SLIT3: variants seen among roughly 807,000 people sequenced by gnomAD.
SLIT3 encodes the protein slit guidance ligand 3, also known as slit homolog 3 protein.
Under a neutral mutation model 184.0 loss-of-function variants are expected in SLIT3, and 68 were observed. That is an observed-to-expected ratio of 0.37 (90% confidence interval 0.30 to 0.45). The LOEUF (loss-of-function observed/expected upper bound fraction) is 0.45, where lower values mean the gene tolerates loss of function less well. Ranked by LOEUF, SLIT3 falls within the 20% of genes least tolerant of loss-of-function variation. SLIT3 has a pLI of 1.00. For synonymous variants in SLIT3, 831 were observed against 828.6 expected, an observed-to-expected ratio of 1.00 and a Z score of -0.05; for missense variants, 1,707 against 2,026.0, an observed-to-expected ratio of 0.84 and a Z score of 3.02.
At chr5:169,232,254 T>C (rs1010824258) in intron 3 of SLIT3, among the ~76,000 whole-genome samples, 1 of 152,206 alleles carries the variant, frequency 6.6e-6, no homozygotes, top group Non-Finnish European at 1.5e-5. Context: ...AGATGGAGCC[T>C]TGCTCTGTTG....
chr5:169,255,793 G>A (rs1012239477), intron 1 of SLIT3, among the ~76,000 whole-genome samples: 5 of 152,186 alleles, frequency 3.3e-5, no homozygotes, highest in African/African-American at 4.8e-5. Context: ...TGAGGCAGGA[G>A]AATGGTGTGA....
rs145057727 is a variant in SLIT3, at chr5:168,905,301, T to G, written c.414-21965A>C. The stretch of plus-strand genomic sequence containing the variant: ...TCCTCCATGTTGCTGGCTGATTGGG[T>G]GCAAATGTACCTAGATCCTCCCCAG... On this transcript the variant is annotated intron_variant, in intron 4 of 35. Coordinates refer to ENST00000519560, the MANE Select transcript of SLIT3 (RefSeq NM_003062.4). Among the ~76,000 whole-genome samples, 1,257 of 152,304 alleles carry G rather than the reference T, an allele frequency of 8.3e-3. 15 individuals are homozygous for G. Among genetic ancestry groups the G allele is most frequent in the African/African-American group, 0.029 (1,217 of 41,558 alleles).
chr5:168,861,866 G>A (rs997434295), intron 5 of SLIT3, among the ~76,000 whole-genome samples: 1 of 152,180 alleles, frequency 6.6e-6, no homozygotes, highest in African/African-American at 2.4e-5. Flanking sequence ...CAACTTCTGA[G>A]GCACACAATA....
At chr5:169,152,084 A>G (rs967321623) in intron 4 of SLIT3, among the ~76,000 whole-genome samples, 1 of 152,228 alleles carries the variant, frequency 6.6e-6, no homozygotes, top group African/African-American at 2.4e-5. Context: ...AGGTTAGTAG[A>G]TGAATGTTTC....
chr5:168,757,024 A>C (rs1260111719), intron 16 of SLIT3, among the ~76,000 whole-genome samples: 1 of 152,260 alleles, frequency 6.6e-6, no homozygotes, highest in Non-Finnish European at 1.5e-5. Flanking sequence ...CCGTCTCTAC[A>C]TCCATCAAAG....
chr5:168,725,673 C>G (rs1763086514), intron 20 of SLIT3, among the ~76,000 whole-genome samples: 2 of 152,216 alleles, frequency 1.3e-5, no homozygotes, highest in South Asian at 4.1e-4. Flanking sequence ...ACCACAGATT[C>G]TGACCCTAGG....
At chr5:169,136,627 G>A (rs1051980589) in intron 4 of SLIT3, among the ~76,000 whole-genome samples, 2 of 152,180 alleles carry the variant, frequency 1.3e-5, no homozygotes, top group African/African-American at 4.8e-5. Flanking sequence ...GTTAAACTTG[G>A]TGACCTCTGG....
Position 168,774,294 on chromosome 5 carries a change from G to A in SLIT3, c.1236C>T (p.Asp412=). Residue 412 remains aspartate (D), a synonymous_variant, in exon 13 of 36, where the codon GAC becomes GAT. Transcript: ENST00000519560. ...LQNLNLLSLY[D]NKLQTISKGL... ...CCTTGCTGATGGTCTGCAGCTTGTT[G>A]TCATACAGGGAGAGCAAGTTGAGGT... is the stretch of plus-strand genomic sequence containing the variant. 3.7e-6 allele frequency: 6 copies of A among 1,614,046 alleles called. No individual in the cohort carries two copies. The highest frequency in any genetic ancestry group is 5.1e-6 in the Non-Finnish European group (6 of 1,179,942).
chr5:169,188,917 C>G (rs982999842), intron 4 of SLIT3, among the ~76,000 whole-genome samples: 20 of 152,156 alleles, frequency 1.3e-4, no homozygotes, highest in African/African-American at 4.8e-4. Flanking sequence ...CTCCTCCTGT[C>G]CTCTGCTCTG....
At chr5:168,840,288 T>TG in intron 6 of SLIT3, among the ~76,000 whole-genome samples, 1 of 152,220 alleles carries the variant, frequency 6.6e-6, no homozygotes, top group East Asian at 1.9e-4. Flanking sequence ...TTATTGAACT[T>TG]CTGACTTGCT....
chr5:168,799,522 G>A (rs1453448536), intron 9 of SLIT3, among the ~76,000 whole-genome samples: 1 of 152,210 alleles, frequency 6.6e-6, no homozygotes, highest in East Asian at 1.9e-4. Context: ...TAGTTCCTCA[G>A]ATGCTTCCTT....
intron 5 of SLIT3, among the ~76,000 whole-genome samples, chr5:168,854,341 G>A (rs1359939233): frequency 7.7e-6 from 1 of 129,836 alleles, no homozygotes; most frequent in Non-Finnish European, 1.6e-5. Flanking sequence ...CCCAGAAGAT[G>A]GTGTTGAGGG....
At position 168,806,437 on chromosome 5, in the gene SLIT3, T is replaced by G; in HGVS notation, c.935+9A>C. The stretch of plus-strand genomic sequence containing the variant: ...ACAGTTGTTGGGGGTGTCAGACAGG[T>G]GCACTTACATTTCGACGATGCCCTC... On this transcript the variant is annotated intron_variant, in intron 9 of 35. Transcript: ENST00000519560. 6.2e-7 allele frequency: 1 copy of G among 1,614,116 alleles called. No individual in the cohort carries two copies.
chr5:168,769,015 G>A (rs1374497819), intron 14 of SLIT3, among the ~76,000 whole-genome samples: 1 of 152,204 alleles, frequency 6.6e-6, no homozygotes, highest in Non-Finnish European at 1.5e-5. Flanking sequence ...CTTTCACAGA[G>A]ATGGTGGCCA....
At chr5:168,739,259 G>A (rs552920354) in intron 20 of SLIT3, among the ~76,000 whole-genome samples, 1 of 152,280 alleles carries the variant, frequency 6.6e-6, no homozygotes, top group South Asian at 2.1e-4. Flanking sequence ...GATCGGTAGA[G>A]TTATGTAACA....
rs73805042 is a variant in SLIT3 at position 169,240,311 on chromosome 5, T to C, written c.341+4394A>G. ...TATTTTTACCAAGAATTGTACCTCC[T>C]TGTTCTATTAATTACCAAAAAGTGT... On this transcript the variant is annotated intron_variant, in intron 3 of 35. Transcript: ENST00000519560. Among the ~76,000 whole-genome samples, 1,006 of 152,002 alleles carry C rather than the reference T, an allele frequency of 6.6e-3. 11 individuals are homozygous for C. Among genetic ancestry groups the C allele is most frequent in the African/African-American group, 0.022 (932 of 41,552 alleles).
chr5:168,912,444 T>C (rs1200880649), intron 4 of SLIT3, among the ~76,000 whole-genome samples: 1 of 152,124 alleles, frequency 6.6e-6, no homozygotes, highest in African/African-American at 2.4e-5. Flanking sequence ...ACCAGTTTTT[T>C]CACCTTCTCC....
At chr5:168,732,899 T>C (rs1219350914) in intron 20 of SLIT3, among the ~76,000 whole-genome samples, 2 of 152,178 alleles carry the variant, frequency 1.3e-5, no homozygotes, top group Non-Finnish European at 2.9e-5. Context: ...CTTTTGGACA[T>C]TGGCCTAGGC....
chr5:169,205,740 C>T (rs1764047468), intron 3 of SLIT3, among the ~76,000 whole-genome samples: 1 of 152,192 alleles, frequency 6.6e-6, no homozygotes, highest in African/African-American at 2.4e-5. Context: ...TGCCCAAGCC[C>T]CCTGTGCTGG....
Sources: gnomAD v4.1 joint callset for allele counts (sites outside exome capture counted in the v4.1 genomes callset) on GRCh38, gnomAD v4.1.1 for gene constraint, MANE v1.5 for transcripts, NCBI Gene and HGNC (gene_info 2026-07-23, HGNC 2026-07-21) for gene names.